The following KLHL29 variants were observed in gnomAD, a reference collection of about 807,000 sequenced individuals.
KLHL29 encodes the protein kelch-like protein 29.
In KLHL29, 21 loss-of-function variants were observed where a neutral mutation model predicts 80.4. That is an observed-to-expected ratio of 0.26 (90% CI 0.19 to 0.38). KLHL29 has a LOEUF of 0.38. Ranked by LOEUF, KLHL29 falls within the 10% of genes least tolerant of loss-of-function variation. KLHL29 has a pLI of 1.00. For synonymous variants in KLHL29, 511 were observed against 526.8 expected, an observed-to-expected ratio of 0.97 and a Z score of 0.41; for missense variants, 867 against 1,223.9, an observed-to-expected ratio of 0.71 and a Z score of 4.35.
chr2:23,582,163 T>G (rs924402478), intron 3 of KLHL29, among the ~76,000 whole-genome samples: 1 of 152,162 alleles, frequency 6.6e-6, no homozygotes, highest in Non-Finnish European at 1.5e-5. Context: ...GGCCACAAAA[T>G]GAAGAAGAAA....
Position 23,696,267 on chromosome 2 carries a change from T to TGGGCCTGCTGACCCCAGGCCC in KLHL29, c.1925-65_1925-45dup. The stretch of plus-strand genomic sequence containing the variant: ...TGAAGCCTTCCTCTGCCCCTGGGGC[T>TGGGCCTGCTGACCCCAGGCCC]GGGCCTGCTGACCCCAGGCCCCTCC... On this transcript the variant is annotated intron_variant, in intron 10 of 13. Transcript: ENST00000486442. The surrounding 1 kb of genome is among the most constrained non-coding windows in gnomAD (Gnocchi z 5.5). 6.7e-7 allele frequency: 1 copy of TGGGCCTGCTGACCCCAGGCCC among 1,499,680 alleles called. No homozygotes were observed. The highest frequency in any genetic ancestry group is 9.1e-7 in the Non-Finnish European group (1 of 1,103,408). 92.9% of individuals were successfully genotyped at this position (1,499,680 alleles called of 1,614,324 possible).
chr2:23,531,440 A>G (rs1666487402), intron 2 of KLHL29, among the ~76,000 whole-genome samples: 3 of 152,308 alleles, frequency 2.0e-5, no homozygotes, highest in South Asian at 4.1e-4. Context: ...TGCTCTGGCA[A>G]GGGGACCCTC....
At chr2:23,538,462 G>A (rs1655722666) in intron 2 of KLHL29, among the ~76,000 whole-genome samples, 1 of 152,140 alleles carries the variant, frequency 6.6e-6, no homozygotes, top group South Asian at 2.1e-4. Context: ...CCTCAACAAG[G>A]AGATTATCTG....
chr2:23,459,679 T>A (rs941676881), intron 1 of KLHL29, among the ~76,000 whole-genome samples: 2 of 152,230 alleles, frequency 1.3e-5, no homozygotes, highest in Admixed American at 6.5e-5. Context: ...CCATTCTGAC[T>A]TGTCGGTGCA....
intron 1 of KLHL29, among the ~76,000 whole-genome samples, chr2:23,436,065 A>G (rs996674887): frequency 6.6e-6 from 1 of 151,930 alleles, no homozygotes; most frequent in African/African-American, 2.4e-5. Flanking sequence ...CTCCTCTTAA[A>G]GTATACAGCC....
intron 1 of KLHL29, among the ~76,000 whole-genome samples, chr2:23,394,102 G>A (rs757219375): frequency 6.6e-6 from 1 of 152,224 alleles, no homozygotes; most frequent in Non-Finnish European, 1.5e-5. Flanking sequence ...CCCAACAGCG[G>A]CCGGAACATC....
At position 23,503,602 on chromosome 2, in the gene KLHL29, T is replaced by G. The variant is rs937426391; in HGVS notation, c.-46+27935T>G. On this transcript the variant is annotated intron_variant, in intron 2 of 13. Coordinates refer to ENST00000486442, the MANE Select transcript of KLHL29 (RefSeq NM_052920.2). This position sits in a 1 kb window ranked among gnomAD's most constrained non-coding sequence, Gnocchi z 4.0. The stretch of plus-strand genomic sequence containing the variant: ...ACCGAGACTGCTGCAGCCTCGCTCA[T>G]CCAGAACAGAGGCACCATGGCCAGG... Among the ~76,000 whole-genome samples, 3 of 151,686 alleles carry G rather than the reference T, an allele frequency of 2.0e-5. No individual in the cohort carries two copies. Among genetic ancestry groups the G allele is most frequent in the Non-Finnish European group, 4.4e-5 (3 of 67,924 alleles).
At chr2:23,499,393 T>C (rs1327515779) in intron 2 of KLHL29, among the ~76,000 whole-genome samples, 2 of 152,154 alleles carry the variant, frequency 1.3e-5, no homozygotes, top group Non-Finnish European at 2.9e-5. Flanking sequence ...CAACATTGCA[T>C]TGAAAATACC....
At chr2:23,404,741 G>C (rs564578614) in intron 1 of KLHL29, among the ~76,000 whole-genome samples, 4 of 152,306 alleles carry the variant, frequency 2.6e-5, no homozygotes, top group African/African-American at 9.6e-5. Context: ...CAACACTTCC[G>C]GCCAGGAATC....
intron 1 of KLHL29, among the ~76,000 whole-genome samples, chr2:23,422,148 TGTGA>T (rs1022457782): frequency 8.6e-5 from 13 of 151,824 alleles, no homozygotes; most frequent in African/African-American, 2.4e-4. Flanking sequence ...TGTGTGTCTG[TGTGA>T]GTGTGTGTTC....
chr2:23,386,036 TGCA>T (rs1457982496), intron 1 of KLHL29, among the ~76,000 whole-genome samples: 3 of 152,074 alleles, frequency 2.0e-5, no homozygotes, highest in Non-Finnish European at 2.9e-5. Flanking sequence ...CGGGTGTGTA[TGCA>T]CCGGGGCTGC....
chr2:23,446,019 T>C (rs1040448131), intron 1 of KLHL29, among the ~76,000 whole-genome samples: 8 of 152,194 alleles, frequency 5.3e-5, no homozygotes, highest in African/African-American at 1.4e-4. Context: ...CCTTTCTTCG[T>C]TTTTTCATTT....
intron 1 of KLHL29, among the ~76,000 whole-genome samples, chr2:23,427,927 G>C (rs2103406373): frequency 6.6e-6 from 1 of 152,274 alleles, no homozygotes; most frequent in South Asian, 2.1e-4. Context: ...GCTCCTATCT[G>C]GGTGGTTATT....
At chr2:23,493,646 T>C (rs1312532101) in intron 2 of KLHL29, among the ~76,000 whole-genome samples, 1 of 151,776 alleles carries the variant, frequency 6.6e-6, no homozygotes, top group Admixed American at 6.6e-5. Flanking sequence ...TGTGTGTGAG[T>C]GTGTGTGTGT....
chr2:23,680,927 A>G lies in KLHL29; in HGVS notation c.941-3472A>G, dbSNP rs1671068229. Among the ~76,000 whole-genome samples, 2 of 152,188 alleles carry G rather than the reference A, an allele frequency of 1.3e-5. No homozygotes were observed. Among genetic ancestry groups the G allele is most frequent in the African/African-American group, 2.4e-5 (1 of 41,452 alleles). ...CAGCCCCGAGGCCTGCAAATCTCCC[A>G]CACCTGAGAATAGGCCATGTTGTTG... On this transcript the variant is annotated intron_variant, in intron 5 of 13. Coordinates refer to ENST00000486442, the MANE Select transcript of KLHL29 (RefSeq NM_052920.2). The surrounding 1 kb of genome is among the most constrained non-coding windows in gnomAD (Gnocchi z 4.1).
At chr2:23,550,556 C>A (rs527718800) in intron 2 of KLHL29, among the ~76,000 whole-genome samples, 11 of 152,192 alleles carry the variant, frequency 7.2e-5, no homozygotes, top group Non-Finnish European at 1.6e-4. Flanking sequence ...GCTAGTTACT[C>A]GGTGAAATAA....
At chr2:23,638,170 C>G (rs1211565940) in intron 3 of KLHL29, among the ~76,000 whole-genome samples, 1 of 150,662 alleles carries the variant, frequency 6.6e-6, no homozygotes, top group Admixed American at 6.6e-5. Flanking sequence ...AATAACATCC[C>G]TGTTAACATT....
chr2:23,590,349 G>A (rs535647937), intron 3 of KLHL29, among the ~76,000 whole-genome samples: 211 of 152,294 alleles, frequency 1.4e-3, no homozygotes, highest in Middle Eastern at 3.4e-3. Context: ...GGTCGGGCAG[G>A]TCCTTCTCCC....
intron 3 of KLHL29, among the ~76,000 whole-genome samples, chr2:23,614,453 TCA>T (rs1283806032): frequency 6.6e-6 from 1 of 152,060 alleles, no homozygotes; most frequent in Non-Finnish European, 1.5e-5. Flanking sequence ...AAAAATGAAT[TCA>T]CAGTCACAGT....
Sources: gnomAD v4.1 joint callset for allele counts (sites outside exome capture counted in the v4.1 genomes callset) on GRCh38, gnomAD v4.1.1 for gene constraint, Gnocchi (gnomAD v3.1) non-coding constraint, MANE v1.5 for transcripts, NCBI Gene and HGNC (gene_info 2026-07-23, HGNC 2026-07-21) for gene names.